DGKB: variants seen among roughly 807,000 people sequenced by gnomAD.
DGKB encodes the protein diacylglycerol kinase beta.
DGKB carries 67 observed loss-of-function variants against 114.3 expected under a neutral mutation model. The observed-to-expected ratio is 0.59, with a 90% CI of 0.48 to 0.72. DGKB has a LOEUF of 0.72. Ranked by LOEUF, DGKB falls within the 30% of genes least tolerant of loss-of-function variation. The pLI, the probability that DGKB is intolerant of heterozygous loss-of-function variation, is 0.00. For missense variants in DGKB, 907 were observed against 975.2 expected (o/e 0.93, Z 0.93); for synonymous variants, 398 against 323.1 (o/e 1.23, Z -2.49).
At chr7:14,735,367 C>G (rs1366960162) in intron 5 of DGKB, among the ~76,000 whole-genome samples, 1 of 152,202 alleles carries the variant, frequency 6.6e-6, no homozygotes, top group East Asian at 1.9e-4. Context: ...CTAAGGGCAG[C>G]ACATGTTTCC....
chr7:14,895,005 T>A, intron 1 of DGKB, among the ~76,000 whole-genome samples: 1 of 151,576 alleles, frequency 6.6e-6, no homozygotes, highest in Non-Finnish European at 1.5e-5. Context: ...AAGAACAACA[T>A]GATAGCAAAA....
intron 1 of DGKB, among the ~76,000 whole-genome samples, chr7:14,896,840 A>G (rs1210716080): frequency 2.6e-5 from 4 of 152,006 alleles, no homozygotes; most frequent in South Asian, 4.1e-4. Context: ...ATGAAACTCA[A>G]TAAAACTTCT....
intron 17 of DGKB, among the ~76,000 whole-genome samples, chr7:14,592,437 C>G (rs988738471): frequency 6.6e-5 from 10 of 151,986 alleles, no homozygotes; most frequent in African/African-American, 2.4e-4. Flanking sequence ...TTTATACTTG[C>G]ATGTACACAG....
intron 23 of DGKB, among the ~76,000 whole-genome samples, chr7:14,210,705 A>C (rs1218151482): frequency 6.6e-6 from 1 of 151,372 alleles, no homozygotes; most frequent in Non-Finnish European, 1.5e-5. Context: ...TCAAGTCTTC[A>C]AATCTTTCTC....
At position 14,176,893 on chromosome 7, in the gene DGKB, G is replaced by A. The variant is rs759149020; in HGVS notation, c.2250C>T (p.Ser750=). 1 of 1,613,352 alleles carries A rather than the reference G, an allele frequency of 6.2e-7. No individual in the cohort carries two copies. The highest frequency in any genetic ancestry group is 1.1e-5 in the South Asian group (1 of 91,062). ...CATCAATTTGCATTGGCAGAGACTTGCTCGTCCTGGGGGAAAATATTTCAT... is the reference window on the plus strand; with the variant it reads ...CATCAATTTGCATTGGCAGAGACTTACTCGTCCTGGGGGAAAATATTTCAT... ...AQCSCVVIRT[S]KSLPMQIDGE... is the part of the protein sequence containing the mutation. The change falls in exon 25 of 26, where the codon AGC becomes AGT. Residue 750 remains serine, a synonymous_variant. Transcript: ENST00000402815.
intron 6 of DGKB, among the ~76,000 whole-genome samples, chr7:14,717,797 G>A (rs1828460176): frequency 6.6e-6 from 1 of 151,934 alleles, no homozygotes; most frequent in Non-Finnish European, 1.5e-5. Flanking sequence ...AAGCTGCCAG[G>A]ACTATATTTA....
At position 14,563,757 on chromosome 7, in the gene DGKB, T is replaced by A. The variant is rs1032960958; in HGVS notation, c.1770+10455A>T. Among the ~76,000 whole-genome samples the A allele has an allele frequency of 2.0e-5, 3 of 152,106 alleles. No individual in the cohort carries two copies. The East Asian group carries it at 5.8e-4, about 29-fold the overall frequency. ...CTCTATGTTTATGTAATCTGCACATTAGACAAAACATTCACCTCTCCCTGT... is the reference window on the plus strand; with the variant it reads ...CTCTATGTTTATGTAATCTGCACATAAGACAAAACATTCACCTCTCCCTGT... On this transcript the variant is annotated intron_variant, in intron 20 of 25. Coordinates refer to ENST00000402815, the MANE Select transcript of DGKB (RefSeq NM_001350709.2).
chr7:14,482,469 A>C (rs921326750), intron 20 of DGKB, among the ~76,000 whole-genome samples: 3 of 152,098 alleles, frequency 2.0e-5, no homozygotes, highest in Non-Finnish European at 4.4e-5. Flanking sequence ...CTTAAACTTC[A>C]CATAAATATT....
intron 21 of DGKB, among the ~76,000 whole-genome samples, chr7:14,372,708 T>C (rs1478045330): frequency 2.0e-5 from 3 of 152,088 alleles, no homozygotes; most frequent in Non-Finnish European, 4.4e-5. Context: ...TACTCTTATC[T>C]ACTCACCTTG....
chr7:14,289,763 A>G (rs989100679), intron 23 of DGKB, among the ~76,000 whole-genome samples: 1 of 116,658 alleles, frequency 8.6e-6, no homozygotes, highest in Non-Finnish European at 1.8e-5. Flanking sequence ...AAAAAAAAAA[A>G]CACAAAACCC....
At chr7:14,914,328 A>G (rs985277703) in intron 1 of DGKB, among the ~76,000 whole-genome samples, 8 of 152,190 alleles carry the variant, frequency 5.3e-5, no homozygotes, top group Non-Finnish European at 1.2e-4. Flanking sequence ...TCATAAGATT[A>G]TAGAAAACTA....
intron 20 of DGKB, among the ~76,000 whole-genome samples, chr7:14,565,224 C>G (rs902430192): frequency 6.6e-6 from 1 of 152,056 alleles, no homozygotes; most frequent in Non-Finnish European, 1.5e-5. Flanking sequence ...TCTGGCTTAA[C>G]CTGTTGGATG....
At position 14,924,100 on chromosome 7, in the gene DGKB, T is replaced by C. The variant is rs1296115117; in HGVS notation, c.-188+50596A>G. Reference sequence around the variant, plus strand: ...CTAACTACCTGTAACTGAGCTCTAATGACACTCTCCTCATTCTAACTGTTT... The same window carrying C: ...CTAACTACCTGTAACTGAGCTCTAACGACACTCTCCTCATTCTAACTGTTT... On this transcript the variant is annotated intron_variant, in intron 1 of 4. Coordinates refer to the DGKB transcript ENST00000437998. Among the ~76,000 whole-genome samples the C allele has an allele frequency of 2.0e-5, 3 of 150,632 alleles. No individual in the cohort carries two copies. The East Asian group carries it at 5.8e-4, about 29-fold the overall frequency.
intron 23 of DGKB, among the ~76,000 whole-genome samples, chr7:14,295,768 C>T (rs1311660863): frequency 1.3e-5 from 2 of 152,054 alleles, no homozygotes; most frequent in African/African-American, 4.8e-5. Flanking sequence ...AGGTTTGCTA[C>T]ATAGGTATAC....
chr7:14,850,102 C>T (rs769359120), intron 1 of DGKB, among the ~76,000 whole-genome samples: 1 of 152,308 alleles, frequency 6.6e-6, no homozygotes, highest in Admixed American at 6.5e-5. Flanking sequence ...CTAGAAGACA[C>T]TTTTCAAAAG....
intron 1 of DGKB, among the ~76,000 whole-genome samples, chr7:14,948,881 G>C (rs1328081710): frequency 6.6e-6 from 1 of 151,532 alleles, no homozygotes; most frequent in Non-Finnish European, 1.5e-5. Context: ...TCCTTAAAAA[G>C]AGAAAAATAA....
chr7:14,922,356 C>CAT, intron 1 of DGKB, among the ~76,000 whole-genome samples: 1 of 143,802 alleles, frequency 7.0e-6, no homozygotes, highest in Non-Finnish European at 1.5e-5. Context: ...TATATGTCTA[C>CAT]ATATATATGT....
At chr7:14,811,340 C>A (rs565290076) in intron 2 of DGKB, among the ~76,000 whole-genome samples, 1 of 152,044 alleles carries the variant, frequency 6.6e-6, no homozygotes, top group South Asian at 2.1e-4. Flanking sequence ...CCTGAGTAGC[C>A]GGGACTACAG....
intron 23 of DGKB, among the ~76,000 whole-genome samples, chr7:14,222,057 A>T (rs1790066725): frequency 6.6e-6 from 1 of 151,100 alleles, no homozygotes; most frequent in African/African-American, 2.4e-5. Context: ...TGGTCAATCT[A>T]GCTAAAGGTT....
Sources: allele counts gnomAD v4.1 joint callset (sites outside exome capture counted in the v4.1 genomes callset), GRCh38; gene constraint gnomAD v4.1.1; transcripts MANE v1.5; gene names NCBI Gene and HGNC (gene_info 2026-07-23, HGNC 2026-07-21).